The following ZC3H7A variants were observed in gnomAD, a reference collection of about 807,000 sequenced individuals.
ZC3H7A encodes zinc finger CCCH-type containing 7A, also known as zinc finger CCCH domain-containing protein 7A.
A neutral mutation model predicts 125.5 loss-of-function variants in ZC3H7A; 44 were observed. The ratio of observed to expected loss-of-function variants is 0.35; its 90% CI spans 0.28 to 0.45. ZC3H7A has a LOEUF of 0.45. ZC3H7A is among the 20% of genes least tolerant of loss of function. ZC3H7A has a pLI of 1.00. For synonymous variants in ZC3H7A, 399 were observed against 391.2 expected, an observed-to-expected ratio of 1.02 and a Z score of -0.23; for missense variants, 977 against 1,170.7, an observed-to-expected ratio of 0.83 and a Z score of 2.41.
intron 1 of ZC3H7A, among the ~76,000 whole-genome samples, chr16:11,792,764 G>A (rs2141223739): frequency 1.3e-5 from 2 of 152,344 alleles, no homozygotes; most frequent in East Asian, 3.9e-4. Flanking sequence ...CTGGCTCCAA[G>A]CCTGAGAGCC....
At chr16:11,775,108 C>G (rs2053057235) in intron 7 of ZC3H7A, 95 bp from the exon 8 acceptor site, 1 of 1,373,644 alleles carries the variant, frequency 7.3e-7, no homozygotes, top group South Asian at 1.2e-5. Context: ...CACAGTGGCT[C>G]ACGCCTGTAA....
At chr16:11,769,899 C>A (rs1449748701) in intron 10 of ZC3H7A, among the ~76,000 whole-genome samples, 1 of 145,770 alleles carries the variant, frequency 6.9e-6, no homozygotes, top group African/African-American at 2.6e-5. Context: ...AAGGAATCCT[C>A]CCACCTCCAC....
intron 9 of ZC3H7A, among the ~76,000 whole-genome samples, chr16:11,772,375 C>G (rs1315330174): frequency 6.6e-6 from 1 of 151,654 alleles, no homozygotes; most frequent in Non-Finnish European, 1.5e-5. Context: ...CAGGCCCCAT[C>G]AAAGCTGCAA....
chr16:11,751,506 C>T lies in ZC3H7A; in HGVS notation c.2727G>A (p.Arg909=), dbSNP rs376811937. Residue 909 remains arginine (R), a splice_region_variant and synonymous_variant, in exon 23 of 23, where the codon AGG becomes AGA. Transcript: ENST00000355758. ...CTTCTGGGCAGGTGCCATTCATATA[C>T]CTGTAAGGAGAAGTCAGCTGCTCAG... ...FPTGYFSICD[R]YMNGTCPEGN... 17 of 1,611,122 alleles carry T rather than the reference C, an allele frequency of 1.1e-5. No homozygotes were observed. Among genetic ancestry groups the T allele is most frequent in the Non-Finnish European group, 1.4e-5 (16 of 1,179,034 alleles).
At chr16:11,767,607 T>C in intron 12 of ZC3H7A, 29 bp from the exon 13 acceptor site, 1 of 1,501,592 alleles carries the variant, frequency 6.7e-7, no homozygotes, top group Non-Finnish European at 8.9e-7. Context: ...GGATTGCTTA[T>C]ATGCACAAAA....
rs535704970 is a variant in ZC3H7A at position 11,756,576 on chromosome 16, G to C, written c.2429-206C>G. 7.9e-5 allele frequency among the ~76,000 whole-genome samples: 12 copies of C among 152,334 alleles called. No homozygotes were observed. In the South Asian group the frequency reaches 2.5e-3, roughly 32 times the overall value. On this transcript the variant is annotated intron_variant, in intron 20 of 22. Coordinates refer to ENST00000355758, the MANE Select transcript of ZC3H7A (RefSeq NM_014153.4). ...ATAAGAACTACTTTCAGGACTGTTA[G>C]ATGGCAAATATTAGTTCTCAGGATT...
intron 1 of ZC3H7A, among the ~76,000 whole-genome samples, chr16:11,789,735 T>C (rs886322019): frequency 6.6e-6 from 1 of 152,052 alleles, no homozygotes; most frequent in African/African-American, 2.4e-5. Flanking sequence ...TCTTTAAAGG[T>C]CACCATGTAC....
At chr16:11,761,300 G>A in intron 19 of ZC3H7A, 106 bp downstream of exon 19, 2 of 1,075,120 alleles carry the variant, frequency 1.9e-6, no homozygotes. Context: ...CATTATTACT[G>A]ACGAATATTA....
intron 4 of ZC3H7A, among the ~76,000 whole-genome samples, chr16:11,777,880 G>A (rs1477553468): frequency 6.6e-6 from 1 of 151,972 alleles, no homozygotes; most frequent in Non-Finnish European, 1.5e-5. Context: ...TTAGCCAGGT[G>A]TGGTGGTACA....
chr16:11,754,101 G>A (rs1349413732), intron 21 of ZC3H7A, among the ~76,000 whole-genome samples: 3 of 151,392 alleles, frequency 2.0e-5, no homozygotes, highest in Non-Finnish European at 4.4e-5. Flanking sequence ...GACTAGCGTG[G>A]GCAACATGGC....
rs971274024 is a variant in ZC3H7A, at chr16:11,773,625, G to A, written c.903+611C>T. Among the ~76,000 whole-genome samples the A allele has an allele frequency of 4.0e-5, 6 of 151,864 alleles. No individual in the cohort carries two copies. In the South Asian group the frequency reaches 1.2e-3, roughly 31 times the overall value. ...AGGCCGGGCATGGTAGCTCACGCTTGTAATCCCAGCACTTTGGGAGGCCGA... is the reference window on the plus strand; with the variant it reads ...AGGCCGGGCATGGTAGCTCACGCTTATAATCCCAGCACTTTGGGAGGCCGA... On this transcript the variant is annotated intron_variant, in intron 9 of 22. Transcript: ENST00000355758.
Position 11,768,436 on chromosome 16 carries a change from A to C in ZC3H7A, c.1239T>G (p.Asn413Lys), listed in dbSNP as rs1375047550. 4 of 1,574,118 alleles carry C rather than the reference A, an allele frequency of 2.5e-6. No individual in the cohort carries two copies. Among genetic ancestry groups the C allele is most frequent in the Non-Finnish European group, 3.5e-6 (4 of 1,154,164 alleles). ...CACTTCCAAAAAAGTTTCCAAAGTC[A>C]TTTCTAGGCTGACTTGAAATTCCCA... ...NFLGISSQPRNDFGNFFGSAV... is the reference protein window; with the variant it reads ...NFLGISSQPRKDFGNFFGSAV... The change falls in exon 12 of 23, where the codon AAT (asparagine) becomes AAG (lysine). Residue 413 changes from asparagine (N) to lysine (K), a missense_variant. By Grantham distance (94) the Asn-to-Lys change is moderately conservative. This residue lies in a region of ZC3H7A where 342 missense variants were observed against 311.3 expected (regional missense o/e 1.10). Transcript: ENST00000355758.
Position 11,765,753 on chromosome 16 carries a change from A to C in ZC3H7A, c.1523-68T>G. The C allele has an allele frequency of 6.7e-7, 1 of 1,494,552 alleles. No homozygotes were observed. Among genetic ancestry groups the C allele is most frequent in the Non-Finnish European group, 9.1e-7 (1 of 1,103,814 alleles). 92.6% of individuals were successfully genotyped at this position (1,494,552 alleles called of 1,614,324 possible). Reference sequence around the variant, plus strand: ...TGGCCTGTACTCCCAGCTACTTGGGAGGCTGAGGTGGGAGGATCCCTTGAG... The same window carrying C: ...TGGCCTGTACTCCCAGCTACTTGGGCGGCTGAGGTGGGAGGATCCCTTGAG... On this transcript the variant is annotated intron_variant, in intron 13 of 22. Coordinates refer to ENST00000355758, the MANE Select transcript of ZC3H7A (RefSeq NM_014153.4). The surrounding 1 kb of genome is among the most constrained non-coding windows in gnomAD (Gnocchi z 4.8).
rs1325814970 is a variant in ZC3H7A, at chr16:11,779,292, G to C, written c.180C>G (p.Asn60Lys). ...GNDVYREHDW[N>K]NSISQYTEAL... is the part of the protein sequence containing the mutation. ...CTTCCGTGTACTGGCTTATCGAGTT[G>C]TTCCAATCATGTTCCCGATAAACGT... is the stretch of plus-strand genomic sequence containing the variant. Residue 60 changes from asparagine to lysine, a missense_variant, in exon 4 of 23, where the codon AAC (asparagine) becomes AAG (lysine). Asn to Lys is a moderately conservative substitution (Grantham distance 94, BLOSUM62 0). Transcript: ENST00000355758. The C allele has an allele frequency of 2.5e-6, 4 of 1,614,000 alleles. No homozygotes were observed. Among genetic ancestry groups the C allele is most frequent in the East Asian group, 2.2e-5 (1 of 44,864 alleles).
intron 1 of ZC3H7A, 67 bp downstream of exon 1, chr16:11,797,057 C>CG (rs1226453362): frequency 7.5e-6 from 1 of 132,938 alleles, no homozygotes; most frequent in Non-Finnish European, 1.6e-5. Flanking sequence ...CGGCGGCGCG[C>CG]GCGGGGGGGG....
intron 19 of ZC3H7A, among the ~76,000 whole-genome samples, chr16:11,760,086 T>C (rs1292555717): frequency 2.4e-5 from 3 of 125,310 alleles, no homozygotes; most frequent in South Asian, 2.4e-4. Flanking sequence ...GATCGCAACA[T>C]TGCACTCCAG....
Position 11,771,002 on chromosome 16 carries a change from A to C in ZC3H7A, c.904-15T>G, listed in dbSNP as rs1254368478. ...AAAGCTGACGGCTGCGGAAGAAAAA[A>C]AGATGTGATTAAAATTCATGAAGCT... is the stretch of plus-strand genomic sequence containing the variant. On this transcript the variant is annotated splice_polypyrimidine_tract_variant and intron_variant, in intron 9 of 22. Coordinates refer to ENST00000355758, the MANE Select transcript of ZC3H7A (RefSeq NM_014153.4). 6.3e-7 allele frequency: 1 copy of C among 1,583,776 alleles called. No homozygotes were observed. The highest frequency in any genetic ancestry group is 1.2e-5 in the South Asian group (1 of 86,338).
chr16:11,797,059 C>CGGG (rs755431804), intron 1 of ZC3H7A, 65 bp downstream of exon 1: 2,445 of 143,420 alleles, frequency 0.017, 83 homozygotes, highest in Admixed American at 0.086. Context: ...GCGGCGCGCG[C>CGGG]GGGGGGGGCG....
chr16:11,752,700 A>T lies in ZC3H7A; in HGVS notation c.2695T>A (p.Phe899Ile). The change falls in exon 22 of 23, where the codon TTC (phenylalanine) becomes ATC (isoleucine). Residue 899 changes from phenylalanine (F) to isoleucine (I), a missense_variant. Physicochemically the swap from Phe to Ile is conservative, Grantham distance 21. This residue lies in a region of ZC3H7A where 436 missense variants were observed against 603.2 expected (regional missense o/e 0.72). Transcript: ENST00000355758. ...EDDQYCWQHR[F>I]PTGYFSICDR... is the part of the protein sequence containing the mutation. ...CAAATACTGAAATAGCCTGTTGGGA[A>T]GCGGTGCTGCCAGCAGTACTGGTCG... 1 of 1,613,990 alleles carries T rather than the reference A, an allele frequency of 6.2e-7. No homozygotes were observed.
Sources: allele counts gnomAD v4.1 joint callset (sites outside exome capture counted in the v4.1 genomes callset), GRCh38; gene constraint gnomAD v4.1.1; regional missense constraint gnomAD v4.1.1; non-coding constraint Gnocchi (gnomAD v3.1); transcripts MANE v1.5; gene names NCBI Gene and HGNC (gene_info 2026-07-23, HGNC 2026-07-21).